Variants in SHB observed in about 807,000 individuals in gnomAD.
The protein encoded by SHB is SH2 domain containing adaptor protein B, also known as SH2 domain-containing adapter protein B.
SHB carries 20 observed loss-of-function variants against 52.3 expected under a neutral mutation model. The observed-to-expected ratio is 0.38, with a 90% CI of 0.27 to 0.56. The LOEUF is 0.56. Among genes scored for constraint, SHB ranks in the 20% least tolerant of loss-of-function variants. SHB has a pLI of 0.71. For synonymous variants in SHB, 397 were observed against 316.5 expected, an observed-to-expected ratio of 1.25 and a Z score of -2.70; for missense variants, 825 against 723.3, an observed-to-expected ratio of 1.14 and a Z score of -1.61.
chr9:38,004,364 G>A (rs941219873), intron 2 of SHB, among the ~76,000 whole-genome samples: 2 of 152,324 alleles, frequency 1.3e-5, no homozygotes, highest in East Asian at 1.9e-4. Flanking sequence ...GTGAACCTGA[G>A]CTGCTGGGGG....
intron 1 of SHB, among the ~76,000 whole-genome samples, chr9:38,035,422 G>A (rs1485808991): frequency 6.6e-6 from 1 of 151,986 alleles, no homozygotes; most frequent in Non-Finnish European, 1.5e-5. Context: ...ATGGTACCCT[G>A]AAGCATAGGA....
At chr9:38,022,550 G>A (rs1351159268) in intron 1 of SHB, among the ~76,000 whole-genome samples, 1 of 152,144 alleles carries the variant, frequency 6.6e-6, no homozygotes, top group Non-Finnish European at 1.5e-5. Context: ...ATTTGGGGAC[G>A]TGAGGCGGCA....
intron 5 of SHB, among the ~76,000 whole-genome samples, chr9:37,927,894 G>C (rs543666284): frequency 6.6e-6 from 1 of 152,230 alleles, no homozygotes; most frequent in Admixed American, 6.5e-5. Flanking sequence ...AAAGCTTCAG[G>C]AAAGGGAAAC....
intron 1 of SHB, among the ~76,000 whole-genome samples, chr9:38,063,642 G>A (rs560285725): frequency 6.6e-6 from 1 of 152,204 alleles, no homozygotes; most frequent in Non-Finnish European, 1.5e-5. Flanking sequence ...TTGTGATATT[G>A]TCTCTCTGGT....
chr9:38,042,753 C>T (rs1240236903), intron 1 of SHB, among the ~76,000 whole-genome samples: 1 of 152,200 alleles, frequency 6.6e-6, no homozygotes, highest in Non-Finnish European at 1.5e-5. Flanking sequence ...CAAGCATGGG[C>T]TTTCCTGGGG....
In SHB at chr9:37,932,624, T is replaced by C. The variant is rs376388373; in HGVS notation, c.1347-12620A>G. Among the ~76,000 whole-genome samples, 9 of 150,962 alleles carry C rather than the reference T, an allele frequency of 6.0e-5. No individual in the cohort carries two copies. In the South Asian group the frequency reaches 1.9e-3, roughly 32 times the overall value. On this transcript the variant is annotated intron_variant, in intron 5 of 5. Coordinates refer to ENST00000377707, the MANE Select transcript of SHB (RefSeq NM_003028.3). ...AGGGATATGTTAATTTGTTTCACTA[T>C]AGGAACATTTTTTGTTTTGCTCTGT... is the stretch of plus-strand genomic sequence containing the variant.
At position 37,974,607 on chromosome 9, in the gene SHB, G is replaced by GT. The variant is rs746970782; in HGVS notation, c.1054+14dup. The GT allele has an allele frequency of 2.5e-6, 4 of 1,608,834 alleles. No individual in the cohort carries two copies. In the South Asian group the frequency reaches 4.4e-5, roughly 18 times the overall value. Reference sequence around the variant, plus strand: ...GCTCAGCAGCTGCCTCCTGAGCAGGGTCAGGGCTCCTTACCTGCCAGGGCT... The same window carrying GT: ...GCTCAGCAGCTGCCTCCTGAGCAGGGTTCAGGGCTCCTTACCTGCCAGGGCT... On this transcript the variant is annotated intron_variant, in intron 3 of 5. Transcript: ENST00000377707.
intron 5 of SHB, among the ~76,000 whole-genome samples, chr9:37,920,321 AAAACAAAACAAAACT>A (rs1210684609): frequency 2.4e-5 from 3 of 124,876 alleles, no homozygotes; most frequent in African/African-American, 9.3e-5. Context: ...AAAACAAAAC[AAAACAAAACAAAACT>A]TAGTCCCTCT....
intron 1 of SHB, among the ~76,000 whole-genome samples, chr9:38,058,531 C>T (rs1015516315): frequency 1.3e-5 from 2 of 152,250 alleles, no homozygotes; most frequent in Non-Finnish European, 2.9e-5. Context: ...CTGGTGCCCT[C>T]TCTGCTCTAG....
In SHB at chr9:37,919,248, G is replaced by C. The variant is rs1475651750; in HGVS notation, c.*573C>G. On this transcript the variant is annotated 3_prime_UTR_variant, in exon 6 of 6. Transcript: ENST00000377707. ...TGATTACACTGAGTGACTACAAGTAGATCAGTGGGCTTACCCATCTGTGTG... is the reference window on the plus strand; with the variant it reads ...TGATTACACTGAGTGACTACAAGTACATCAGTGGGCTTACCCATCTGTGTG... 2.0e-5 allele frequency: 3 copies of C among 152,860 alleles called. No individual in the cohort carries two copies. Among genetic ancestry groups the C allele is most frequent in the South Asian group, 2.1e-4 (1 of 4,830 alleles). The allele number at this position is 152,860 out of a possible 1,614,324, so 9.5% of individuals were successfully genotyped here.
chr9:38,030,017 C>A (rs749399478), intron 1 of SHB, among the ~76,000 whole-genome samples: 54 of 152,182 alleles, frequency 3.5e-4, no homozygotes, highest in Non-Finnish European at 6.6e-4. Flanking sequence ...CACATCACTG[C>A]GAGATGGATG....
chr9:37,963,374 G>A (rs1832714752), intron 3 of SHB, among the ~76,000 whole-genome samples: 2 of 152,226 alleles, frequency 1.3e-5, no homozygotes, highest in South Asian at 4.1e-4. Context: ...GGCACCGTGT[G>A]TAGACTGCTT....
chr9:38,054,872 G>A (rs564906734), intron 1 of SHB, among the ~76,000 whole-genome samples: 1 of 152,222 alleles, frequency 6.6e-6, no homozygotes, highest in Non-Finnish European at 1.5e-5. Flanking sequence ...AAGGTGGCCG[G>A]ACAAAAGGTA....
chr9:38,051,237 C>A (rs553725914), intron 1 of SHB, among the ~76,000 whole-genome samples: 1 of 151,842 alleles, frequency 6.6e-6, no homozygotes, highest in African/African-American at 2.4e-5. Context: ...GTCAGGAGAT[C>A]GCGACCATCC....
At chr9:37,936,877 G>A (rs1339462059) in intron 5 of SHB, 1 of 152,178 alleles carries the variant, frequency 6.6e-6, no homozygotes, top group Non-Finnish European at 1.5e-5. Flanking sequence ...GCCAAGTTGG[G>A]ACCTTAGGGA....
chr9:37,934,184 C>G (rs1832343614), intron 5 of SHB, among the ~76,000 whole-genome samples: 1 of 152,216 alleles, frequency 6.6e-6, no homozygotes, highest in South Asian at 2.1e-4. Context: ...TGAGTCCCCC[C>G]CTCTCCCAGC....
intron 5 of SHB, among the ~76,000 whole-genome samples, chr9:37,925,048 C>T (rs1290916155): frequency 6.6e-6 from 1 of 152,246 alleles, no homozygotes; most frequent in Non-Finnish European, 1.5e-5. Flanking sequence ...CAGGCTGAGC[C>T]TTAGCCCCCT....
At chr9:38,031,723 G>A (rs1050941496) in intron 1 of SHB, among the ~76,000 whole-genome samples, 2 of 152,242 alleles carry the variant, frequency 1.3e-5, no homozygotes, top group Admixed American at 1.3e-4. Context: ...GACAACGGCT[G>A]TATGAATCGG....
chr9:38,049,824 A>ATTTTTCTTT, intron 1 of SHB, among the ~76,000 whole-genome samples: 1 of 145,200 alleles, frequency 6.9e-6, no homozygotes, highest in Non-Finnish European at 1.5e-5. Flanking sequence ...TTGGAGACAG[A>ATTTTTCTTT]GTCTTGCTCT....
Sources: gnomAD v4.1 joint callset for allele counts (sites outside exome capture counted in the v4.1 genomes callset) on GRCh38, gnomAD v4.1.1 for gene constraint, MANE v1.5 for transcripts, NCBI Gene and HGNC (gene_info 2026-07-23, HGNC 2026-07-21) for gene names.